NBAS: variants seen among roughly 807,000 people sequenced by gnomAD.
NBAS encodes NAG/BC035112 fusion.
In NBAS, 219 loss-of-function variants were observed where a neutral mutation model predicts 302.5. The ratio of observed to expected loss-of-function variants is 0.72; its 90% CI spans 0.65 to 0.81. The LOEUF is 0.81. NBAS is among the 30% of genes least tolerant of loss of function. The pLI, the probability that NBAS is intolerant of heterozygous loss-of-function variation, is 0.00. For missense variants in NBAS, 2,932 were observed against 2,841.6 expected, an observed-to-expected ratio of 1.03 and a Z score of -0.72; for synonymous variants, 1,118 against 1,021.6, an observed-to-expected ratio of 1.09 and a Z score of -1.80.
rs1339430931 is a variant in NBAS, at chr2:15,360,773, C to A, written c.3818-4357G>T. ...TCAATATCACTTTCTTCCACCTCCA[C>A]CTATTGTCCCACTGGAAGGCCTTCG... On this transcript the variant is annotated intron_variant, in intron 32 of 51. Coordinates refer to ENST00000281513, the MANE Select transcript of NBAS (RefSeq NM_015909.4). Among the ~76,000 whole-genome samples the A allele has an allele frequency of 5.3e-5, 8 of 151,980 alleles. No individual in the cohort carries two copies. The South Asian group carries it at 1.7e-3, about 32-fold the overall frequency.
rs970861571 is a variant in NBAS at position 15,440,662 on chromosome 2, T to C, written c.2340-12868A>G. Among the ~76,000 whole-genome samples the C allele has an allele frequency of 3.3e-5, 5 of 152,222 alleles. 1 individual carries two copies. The highest frequency in any genetic ancestry group is 3.9e-4 in the East Asian group (2 of 5,194). ...CAATGGGACAAAGCTGGATGGAGAA[T>C]GACTTTGATGAGTTGAGAGAAGGCT... is the stretch of plus-strand genomic sequence containing the variant. On this transcript the variant is annotated intron_variant, in intron 21 of 51. Transcript: ENST00000281513.
chr2:14,848,185 G>A, the NBAS span, among the ~76,000 whole-genome samples: 2 of 151,812 alleles, frequency 1.3e-5, no homozygotes, highest in South Asian at 2.1e-4. Flanking sequence ...TCTCACTAGG[G>A]AGTTCCAGAG....
At chr2:15,454,909 A>AT (rs796180817) in intron 21 of NBAS, among the ~76,000 whole-genome samples, 14,285 of 124,816 alleles carry the variant, frequency 0.11, 1,910 homozygotes, top group African/African-American at 0.32. Context: ...CTATACTGCA[A>AT]TTTTTTTTTT....
At chr2:15,035,173 T>C in the NBAS span, among the ~76,000 whole-genome samples, 1 of 115,218 alleles carries the variant, frequency 8.7e-6, no homozygotes, top group Admixed American at 9.7e-5. Context: ...TGAAAACCTT[T>C]GTAAATGTTT....
chr2:15,215,904 C>T (rs978119602), intron 48 of NBAS, among the ~76,000 whole-genome samples: 1 of 152,154 alleles, frequency 6.6e-6, no homozygotes, highest in African/African-American at 2.4e-5. Flanking sequence ...AAAGGTAAGA[C>T]AATTTTTGAA....
the NBAS span, among the ~76,000 whole-genome samples, chr2:15,058,733 T>C: frequency 6.6e-6 from 1 of 152,170 alleles, no homozygotes; most frequent in Non-Finnish European, 1.5e-5. Context: ...TTTGGTTCTA[T>C]TGCTTACAAC....
At chr2:14,849,168 A>G in the NBAS span, among the ~76,000 whole-genome samples, 1 of 142,218 alleles carries the variant, frequency 7.0e-6, no homozygotes, top group Admixed American at 7.1e-5. Context: ...AAAGAAGTTG[A>G]AAACTTTGAA....
chr2:15,057,581 C>T, the NBAS span, among the ~76,000 whole-genome samples: 9 of 152,300 alleles, frequency 5.9e-5, no homozygotes, highest in South Asian at 1.9e-3. Flanking sequence ...TCACCAACCT[C>T]CAGCTCTTCC....
At chr2:14,786,129 C>T in the NBAS span, among the ~76,000 whole-genome samples, 1 of 152,160 alleles carries the variant, frequency 6.6e-6, no homozygotes, top group Admixed American at 6.5e-5. Flanking sequence ...GTAGTATTCT[C>T]TGATGGTAGT....
At chr2:14,977,826 T>C in the NBAS span, among the ~76,000 whole-genome samples, 1 of 152,234 alleles carries the variant, frequency 6.6e-6, no homozygotes, top group East Asian at 1.9e-4. Context: ...GGATACCTGA[T>C]TGGCCTTATT....
chr2:15,268,306 G>A (rs1669164957), intron 44 of NBAS, among the ~76,000 whole-genome samples: 2 of 152,288 alleles, frequency 1.3e-5, no homozygotes, highest in Non-Finnish European at 2.9e-5. Flanking sequence ...TGTGGGTCAG[G>A]ACCAGACGTT....
intron 21 of NBAS, among the ~76,000 whole-genome samples, chr2:15,460,575 A>T (rs1384554465): frequency 2.0e-5 from 3 of 151,944 alleles, no homozygotes; most frequent in Non-Finnish European, 4.4e-5. Context: ...AGACAAATGT[A>T]CTCCCTCTCC....
At chr2:14,904,879 C>A in the NBAS span, among the ~76,000 whole-genome samples, 1 of 147,654 alleles carries the variant, frequency 6.8e-6, no homozygotes, top group South Asian at 2.2e-4. Context: ...GAAACGCTGT[C>A]TCTACTAAAA....
intron 9 of NBAS, among the ~76,000 whole-genome samples, chr2:15,533,669 G>A (rs943594233): frequency 2.8e-5 from 4 of 142,024 alleles, no homozygotes; most frequent in South Asian, 4.7e-4. Flanking sequence ...GGAGGACTTC[G>A]GGGGGTGTGC....
chr2:14,898,250 C>T, the NBAS span, among the ~76,000 whole-genome samples: 2 of 152,110 alleles, frequency 1.3e-5, no homozygotes, highest in Non-Finnish European at 2.9e-5. Flanking sequence ...AAATGTAAAG[C>T]CTCTCTCTTC....
intron 47 of NBAS, among the ~76,000 whole-genome samples, chr2:15,228,490 TAC>T (rs545512471): frequency 5.3e-5 from 8 of 152,202 alleles, no homozygotes; most frequent in Non-Finnish European, 1.2e-4. Context: ...TTACTGAGTA[TAC>T]ATCCAAAGGG....
At chr2:15,292,904 G>A (rs1670376183) in intron 40 of NBAS, 138 bp from the exon 41 acceptor site, 11 of 874,114 alleles carry the variant, frequency 1.3e-5, no homozygotes, top group South Asian at 4.5e-5. Context: ...GGCTCACAAC[G>A]GCCCTGAAAA....
chr2:15,145,453 G>A, the NBAS span, among the ~76,000 whole-genome samples: 5 of 151,488 alleles, frequency 3.3e-5, no homozygotes, highest in African/African-American at 1.2e-4. Context: ...CTAGTGTATG[G>A]TGGGTGATTT....
chr2:15,275,374 A>C, intron 44 of NBAS, 110 bp downstream of exon 44: 1 of 1,270,620 alleles, frequency 7.9e-7, no homozygotes, highest in Non-Finnish European at 1.1e-6. Flanking sequence ...TAAAAAGCCA[A>C]CATGTAATTA....
Sources: gnomAD v4.1 joint callset for allele counts (sites outside exome capture counted in the v4.1 genomes callset) on GRCh38, gnomAD v4.1.1 for gene constraint, MANE v1.5 for transcripts, NCBI Gene and HGNC (gene_info 2026-07-23, HGNC 2026-07-21) for gene names.